Variants in SCAPER observed in about 807,000 individuals in gnomAD.
SCAPER encodes the protein S phase cyclin A-associated protein in the endoplasmic reticulum.
In SCAPER, 98 loss-of-function variants were observed where a neutral mutation model predicts 182.2. The ratio of observed to expected loss-of-function variants is 0.54; its 90% CI spans 0.46 to 0.64. SCAPER has a LOEUF of 0.64. Among genes scored for constraint, SCAPER ranks in the 30% least tolerant of loss-of-function variants. The probability of loss-of-function intolerance (pLI) is 0.00; values close to 1 mark genes in which losing one functional copy is unlikely to be tolerated. For missense variants in SCAPER, 1,432 were observed against 1,690.0 expected (o/e 0.85, Z 2.68); for synonymous variants, 605 against 564.6 (o/e 1.07, Z -1.01).
In SCAPER at chr15:76,599,290, G is replaced by A. The variant is rs1188444338; in HGVS notation, c.2711+22474C>T. Among the ~76,000 whole-genome samples, 2 of 121,274 alleles carry A rather than the reference G, an allele frequency of 1.6e-5. 1 individual carries two copies. Among genetic ancestry groups the A allele is most frequent in the Non-Finnish European group, 4.0e-5 (2 of 49,978 alleles). The allele number at this position is 121,274 out of a possible 152,430, so 79.6% of individuals were successfully genotyped here. On this transcript the variant is annotated intron_variant, in intron 22 of 31. Coordinates refer to ENST00000563290, the MANE Select transcript of SCAPER (RefSeq NM_020843.4). The stretch of plus-strand genomic sequence containing the variant: ...CAAATATTACCAAGGATATGAAACA[G>A]GAACTCTCACACATTGTTGGAAAGT...
At chr15:76,497,124 T>TTTTTTTTTTTTTTC (rs1555456895) in intron 24 of SCAPER, among the ~76,000 whole-genome samples, 21 of 139,418 alleles carry the variant, frequency 1.5e-4, no homozygotes, top group African/African-American at 4.0e-4. Flanking sequence ...TTTTTTTTTT[T>TTTTTTTTTTTTTTC]CCCAAAACGG....
intron 23 of SCAPER, among the ~76,000 whole-genome samples, chr15:76,568,642 T>C (rs958436242): frequency 6.6e-6 from 1 of 152,138 alleles, no homozygotes; most frequent in African/African-American, 2.4e-5. Flanking sequence ...TTGTTCTTTT[T>C]CAACAGGGTT....
rs1555432006 is a variant in SCAPER at position 76,428,866 on chromosome 15, C to CCATATATATATATATATATATATA, written c.3311+5211_3311+5212insTATATATATATATATATATATATG. Among the ~76,000 whole-genome samples, 11 of 79,952 alleles carry CCATATATATATATATATATATATA rather than the reference C, an allele frequency of 1.4e-4. 1 individual carries two copies. Among genetic ancestry groups the CCATATATATATATATATATATATA allele is most frequent in the African/African-American group, 5.5e-4 (10 of 18,260 alleles). 52.5% of individuals were successfully genotyped at this position (79,952 alleles called of 152,430 possible). On this transcript the variant is annotated intron_variant, in intron 26 of 31. Coordinates refer to ENST00000563290, the MANE Select transcript of SCAPER (RefSeq NM_020843.4). Reference sequence around the variant, plus strand: ...TAGGTATCCTGATCAGATCATTATACTATATATATATATATATATATATAT... The same window carrying CCATATATATATATATATATATATA: ...TAGGTATCCTGATCAGATCATTATACCATATATATATATATATATATATATATATATATATATATATATATATAT...
rs1252479035 is a variant in SCAPER at position 76,696,903 on chromosome 15, G to T, written c.2508+4855C>A. 3.3e-5 allele frequency among the ~76,000 whole-genome samples: 5 copies of T among 152,178 alleles called. No individual in the cohort carries two copies. In the East Asian group the frequency reaches 7.7e-4, roughly 23 times the overall value. On this transcript the variant is annotated intron_variant, in intron 20 of 31. Transcript: ENST00000563290. ...CCATTTTGTTAAGTCTCAAGAAACA[G>T]TAGAAAAATGTCCCAGTCAAATTAC...
At chr15:76,837,508 T>A (rs182993081) in intron 5 of SCAPER, among the ~76,000 whole-genome samples, 49 of 152,278 alleles carry the variant, frequency 3.2e-4, no homozygotes, top group African/African-American at 1.0e-3. Flanking sequence ...TCAGATATCA[T>A]GAGAACTCAC....
chr15:76,686,997 C>T (rs62028173), intron 20 of SCAPER, among the ~76,000 whole-genome samples: 10,209 of 151,954 alleles, frequency 0.067, 382 homozygotes, highest in Middle Eastern at 0.11. Flanking sequence ...AGGAGAAAGG[C>T]ATTAAATAGG....
intron 23 of SCAPER, among the ~76,000 whole-genome samples, chr15:76,531,242 C>A (rs1420652888): frequency 6.6e-6 from 1 of 152,062 alleles, no homozygotes; most frequent in Non-Finnish European, 1.5e-5. Flanking sequence ...CAAGCATCTA[C>A]TAAAGCTGGA....
chr15:76,412,275 T>C (rs1567084559), intron 26 of SCAPER, among the ~76,000 whole-genome samples: 1 of 152,168 alleles, frequency 6.6e-6, no homozygotes, highest in African/African-American at 2.4e-5. Flanking sequence ...CATGGCATTA[T>C]ACATTTGTCA....
At chr15:76,536,849 G>A (rs370942202) in intron 23 of SCAPER, among the ~76,000 whole-genome samples, 98 of 152,156 alleles carry the variant, frequency 6.4e-4, no homozygotes, top group African/African-American at 2.2e-3. Flanking sequence ...TCCTTAAGCT[G>A]ATAAGCAACT....
intron 20 of SCAPER, among the ~76,000 whole-genome samples, chr15:76,697,256 A>G (rs527260249): frequency 6.6e-6 from 1 of 152,342 alleles, no homozygotes; most frequent in South Asian, 2.1e-4. Context: ...TAACCTTTTT[A>G]TATCACATAA....
At chr15:76,879,678 T>G (rs2073408722) in intron 2 of SCAPER, among the ~76,000 whole-genome samples, 1 of 152,162 alleles carries the variant, frequency 6.6e-6, no homozygotes, top group South Asian at 2.1e-4. Flanking sequence ...CCAACTCTAC[T>G]TGCTACTGAA....
intron 22 of SCAPER, among the ~76,000 whole-genome samples, chr15:76,596,237 A>G (rs1269075365): frequency 2.2e-5 from 1 of 44,676 alleles, no homozygotes; most frequent in African/African-American, 5.0e-5. Flanking sequence ...GGACACATAC[A>G]GCCTCCCAAG....
intron 25 of SCAPER, among the ~76,000 whole-genome samples, chr15:76,456,729 T>C (rs2048764391): frequency 6.6e-6 from 1 of 152,228 alleles, no homozygotes; most frequent in Non-Finnish European, 1.5e-5. Flanking sequence ...GAAATTCTCA[T>C]ATGGAAATTG....
intron 25 of SCAPER, among the ~76,000 whole-genome samples, chr15:76,465,901 C>A (rs2049575310): frequency 6.6e-6 from 1 of 152,080 alleles, no homozygotes; most frequent in Non-Finnish European, 1.5e-5. Flanking sequence ...TCCCTCCACT[C>A]CCTTCTGGCC....
intron 26 of SCAPER, among the ~76,000 whole-genome samples, chr15:76,421,447 T>G (rs1308650129): frequency 6.6e-6 from 1 of 152,130 alleles, no homozygotes; most frequent in East Asian, 1.9e-4. Flanking sequence ...TCATATCCTT[T>G]GCCCACTTTT....
rs113315554 is a variant in SCAPER at position 76,851,664 on chromosome 15, G to A, written c.195+6145C>T. 2.1e-3 allele frequency among the ~76,000 whole-genome samples: 315 copies of A among 152,312 alleles called. 2 individuals carry two copies. Among genetic ancestry groups the A allele is most frequent in the African/African-American group, 7.3e-3 (305 of 41,588 alleles). On this transcript the variant is annotated intron_variant, in intron 4 of 31. Transcript: ENST00000563290. ...GAGAGAGTTTATGACTACCAGACCT[G>A]CTTTACAAGAGATCTTGAAAGCAGC...
chr15:76,850,247 C>T (rs1293534708), intron 4 of SCAPER, among the ~76,000 whole-genome samples: 1 of 152,170 alleles, frequency 6.6e-6, no homozygotes, highest in East Asian at 1.9e-4. Context: ...AACTACACTG[C>T]AGTTAAAGGA....
intron 2 of SCAPER, among the ~76,000 whole-genome samples, chr15:76,882,751 G>A (rs1175318816): frequency 3.3e-5 from 5 of 152,148 alleles, no homozygotes; most frequent in Non-Finnish European, 4.4e-5. Flanking sequence ...TGAAAGCTCC[G>A]CCTCCCGGGT....
chr15:76,539,520 C>T (rs144375607), intron 23 of SCAPER, among the ~76,000 whole-genome samples: 1 of 149,216 alleles, frequency 6.7e-6, no homozygotes, highest in African/African-American at 2.5e-5. Flanking sequence ...TTTAACACAT[C>T]TGAAGTTTCT....
Sources: gnomAD v4.1 joint callset for allele counts (sites outside exome capture counted in the v4.1 genomes callset) on GRCh38, gnomAD v4.1.1 for gene constraint, MANE v1.5 for transcripts, NCBI Gene and HGNC (gene_info 2026-07-23, HGNC 2026-07-21) for gene names.